Variants in FHIT observed in about 807,000 individuals in gnomAD.
The protein encoded by FHIT is bis(5'-adenosyl)-triphosphatase.
In FHIT, 19 loss-of-function variants were observed where a neutral mutation model predicts 17.9. That is an observed-to-expected ratio of 1.06 (90% CI 0.74 to 1.56). FHIT has a LOEUF of 1.56. Ranked by LOEUF, FHIT falls within the 40% of genes most tolerant of loss-of-function variation. The pLI, the probability that FHIT is intolerant of heterozygous loss-of-function variation, is 0.00. For synonymous variants in FHIT, 81 were observed against 69.7 expected, an observed-to-expected ratio of 1.16 and a Z score of -0.81; for missense variants, 248 against 189.2, an observed-to-expected ratio of 1.31 and a Z score of -1.82.
At chr3:60,196,098 A>C (rs1702628506) in intron 5 of FHIT, among the ~76,000 whole-genome samples, 1 of 152,176 alleles carries the variant, frequency 6.6e-6, no homozygotes, top group Admixed American at 6.5e-5. Flanking sequence ...TGGACATATT[A>C]GTTTATTATT....
chr3:60,378,224 C>T (rs1700657661), intron 5 of FHIT, among the ~76,000 whole-genome samples: 1 of 152,024 alleles, frequency 6.6e-6, no homozygotes, highest in Non-Finnish European at 1.5e-5. Context: ...GACGGGGTTT[C>T]ACCATTCACA....
chr3:60,627,507 C>A (rs917568089), intron 4 of FHIT, among the ~76,000 whole-genome samples: 10 of 152,030 alleles, frequency 6.6e-5, no homozygotes, highest in Admixed American at 2.0e-4. Flanking sequence ...GTAGTAAGGT[C>A]CCCTTTTTTA....
At chr3:60,009,163 T>G (rs913135484) in intron 7 of FHIT, among the ~76,000 whole-genome samples, 2 of 128,784 alleles carry the variant, frequency 1.6e-5, no homozygotes. Flanking sequence ...CTCTGGGATT[T>G]TATGTGTGTG....
intron 3 of FHIT, among the ~76,000 whole-genome samples, chr3:60,860,052 A>C (rs1175717430): frequency 9.4e-5 from 14 of 148,280 alleles, no homozygotes; most frequent in African/African-American, 3.5e-4. Flanking sequence ...CAAAAAAACA[A>C]AAAGATACAT....
intron 5 of FHIT, among the ~76,000 whole-genome samples, chr3:60,390,317 C>T (rs1701168911): frequency 7.2e-6 from 1 of 139,170 alleles, no homozygotes. Flanking sequence ...AGAACTCTAA[C>T]AATAGTCATG....
At chr3:60,176,086 C>T (rs530374181) in intron 5 of FHIT, among the ~76,000 whole-genome samples, 1 of 152,296 alleles carries the variant, frequency 6.6e-6, no homozygotes, top group Admixed American at 6.5e-5. Context: ...GGTGTGGTGG[C>T]TCACGCCTGT....
At chr3:59,761,092 TC>T (rs756951349) in intron 8 of FHIT, among the ~76,000 whole-genome samples, 31 of 152,182 alleles carry the variant, frequency 2.0e-4, no homozygotes, top group Non-Finnish European at 3.2e-4. Context: ...GCTATGATTT[TC>T]TTCTCAACCT....
intron 7 of FHIT, among the ~76,000 whole-genome samples, chr3:59,947,279 G>A (rs6446097): frequency 3.3e-5 from 5 of 151,942 alleles, no homozygotes. Flanking sequence ...CTTCTTGTAC[G>A]TTTTCTAATT....
intron 3 of FHIT, among the ~76,000 whole-genome samples, chr3:61,003,370 T>C (rs9875292): frequency 0.023 from 3,465 of 152,326 alleles, 63 homozygotes; most frequent in African/African-American, 0.05. Flanking sequence ...TTTTACAAAT[T>C]AGACTTTAAA....
At chr3:60,451,586 G>C (rs1171106183) in intron 5 of FHIT, among the ~76,000 whole-genome samples, 1 of 152,004 alleles carries the variant, frequency 6.6e-6, no homozygotes, top group African/African-American at 2.4e-5. Flanking sequence ...ATTTCATAAA[G>C]GATATTAAAT....
intron 3 of FHIT, among the ~76,000 whole-genome samples, chr3:61,018,612 G>A (rs565442112): frequency 6.6e-6 from 1 of 152,136 alleles, no homozygotes; most frequent in African/African-American, 2.4e-5. Context: ...ACCCCAGCAA[G>A]GAAAGTTCAA....
At chr3:60,190,960 G>A (rs918397232) in intron 5 of FHIT, among the ~76,000 whole-genome samples, 5 of 151,852 alleles carry the variant, frequency 3.3e-5, no homozygotes, top group African/African-American at 4.8e-5. Flanking sequence ...AACTAAGGGA[G>A]ATTTTGAAGT....
chr3:60,173,894 TATATATATATATA>T (rs1701531821), intron 5 of FHIT, among the ~76,000 whole-genome samples: 1 of 71,264 alleles, frequency 1.4e-5, no homozygotes, highest in East Asian at 8.0e-4. Context: ...AATATATATA[TATATATATATATA>T]TATATATATG....
chr3:59,775,456 G>A (rs79273034), intron 8 of FHIT, among the ~76,000 whole-genome samples: 32 of 152,218 alleles, frequency 2.1e-4, no homozygotes, highest in African/African-American at 6.5e-4. Flanking sequence ...ATCAGTGGTC[G>A]CACCACTCAA....
intron 8 of FHIT, among the ~76,000 whole-genome samples, chr3:59,860,640 G>A (rs974045877): frequency 1.3e-5 from 2 of 152,190 alleles, no homozygotes; most frequent in African/African-American, 4.8e-5. Flanking sequence ...GGTGCTTGGT[G>A]AGCACAGGGC....
chr3:60,698,885 T>C (rs2041175213), intron 4 of FHIT, among the ~76,000 whole-genome samples: 1 of 152,190 alleles, frequency 6.6e-6, no homozygotes, highest in Non-Finnish European at 1.5e-5. Flanking sequence ...TAAAAAATAA[T>C]CTATTAGCAC....
intron 5 of FHIT, among the ~76,000 whole-genome samples, chr3:60,508,559 G>A (rs895679746): frequency 2.3e-4 from 35 of 152,162 alleles, no homozygotes; most frequent in Non-Finnish European, 5.0e-4. Flanking sequence ...CTTCATTGGA[G>A]AGTTCAAGTT....
chr3:61,059,471 T>C (rs2034350415), intron 2 of FHIT, among the ~76,000 whole-genome samples: 1 of 149,996 alleles, frequency 6.7e-6, no homozygotes, highest in African/African-American at 2.4e-5. Context: ...TGGTTACACC[T>C]ATTCTTGTGC....
intron 8 of FHIT, among the ~76,000 whole-genome samples, chr3:59,835,824 G>T (rs1291149907): frequency 6.6e-6 from 1 of 152,164 alleles, no homozygotes; most frequent in Non-Finnish European, 1.5e-5. Flanking sequence ...GAAATTCTAA[G>T]ATCTGGAGGG....
Sources: gnomAD v4.1 joint callset for allele counts (sites outside exome capture counted in the v4.1 genomes callset) on GRCh38, gnomAD v4.1.1 for gene constraint, MANE v1.5 for transcripts, NCBI Gene and HGNC (gene_info 2026-07-23, HGNC 2026-07-21) for gene names.